The following TIAM2 variants were observed in gnomAD, a reference collection of about 807,000 sequenced individuals.
TIAM2 encodes the protein rho guanine nucleotide exchange factor TIAM2.
A neutral mutation model predicts 152.9 loss-of-function variants in TIAM2; 80 were observed. The observed-to-expected ratio is 0.52, with a 90% CI of 0.44 to 0.63. The LOEUF (loss-of-function observed/expected upper bound fraction) is 0.63. Ranked by LOEUF, TIAM2 falls within the 30% of genes least tolerant of loss-of-function variation. The probability of loss-of-function intolerance (pLI) is 0.00; values close to 1 mark genes in which losing one functional copy is unlikely to be tolerated. For synonymous variants in TIAM2, 804 were observed against 838.0 expected, an observed-to-expected ratio of 0.96 and a Z score of 0.70; for missense variants, 1,965 against 2,120.1, an observed-to-expected ratio of 0.93 and a Z score of 1.44.
At chr6:155,089,709 A>G (rs1778257000) in intron 1 of TIAM2, among the ~76,000 whole-genome samples, 1 of 152,152 alleles carries the variant, frequency 6.6e-6, no homozygotes, top group African/African-American at 2.4e-5. Flanking sequence ...TTCCAATTTA[A>G]TTTAGCCACT....
rs929230605 is a variant in TIAM2, at chr6:155,156,489, T to G, written c.2029-7926T>G. 5.9e-5 allele frequency among the ~76,000 whole-genome samples: 9 copies of G among 152,014 alleles called. No homozygotes were observed. The highest frequency in any genetic ancestry group is 1.9e-4 in the African/African-American group (8 of 41,380). ...GGCCAATGTGGTGAAACCCCGTCTC[T>G]ACTAAAAATACAAAAATAATTAGCC... On this transcript the variant is annotated intron_variant, in intron 7 of 26. Transcript: ENST00000682666. This position sits in a 1 kb window ranked among gnomAD's most constrained non-coding sequence, Gnocchi z 4.4.
intron 1 of TIAM2, among the ~76,000 whole-genome samples, chr6:155,078,817 G>GC (rs2114963688): frequency 6.6e-6 from 1 of 152,308 alleles, no homozygotes; most frequent in Admixed American, 6.5e-5. Flanking sequence ...AAGTTCTGAA[G>GC]TTTGTTTCAT....
Position 155,165,352 on chromosome 6 carries a change from A to G in TIAM2, c.2304A>G (p.Leu768=), listed in dbSNP as rs780914387. The change falls in exon 9 of 27, where the codon TTA becomes TTG. Residue 768 remains leucine (L), a synonymous_variant. Transcript: ENST00000682666. ...ACAAGAAGGGAATATTTTCTTCGTT[A>G]AAAGGGCTGGACACACTGGCCAGAA... is the stretch of plus-strand genomic sequence containing the variant. The part of the protein sequence containing the change: ...GRNKKGIFSS[L]KGLDTLARKG... The G allele has an allele frequency of 1.2e-6, 2 of 1,614,192 alleles. No homozygotes were observed. Among genetic ancestry groups the G allele is most frequent in the African/African-American group, 1.3e-5 (1 of 75,032 alleles).
intron 2 of TIAM2, among the ~76,000 whole-genome samples, chr6:155,120,492 A>G (rs1281077293): frequency 2.0e-5 from 3 of 152,204 alleles, no homozygotes; most frequent in African/African-American, 4.8e-5. Flanking sequence ...TTGGTATTCA[A>G]TTCATGCATT....
intron 14 of TIAM2, among the ~76,000 whole-genome samples, chr6:155,197,180 G>A (rs974663434): frequency 2.6e-5 from 4 of 152,210 alleles, no homozygotes; most frequent in African/African-American, 9.6e-5. Context: ...GGAAACTGCC[G>A]AATGAAAGGA....
At chr6:155,101,980 G>GTGTGAAT (rs1778559969) in intron 2 of TIAM2, among the ~76,000 whole-genome samples, 3 of 151,310 alleles carry the variant, frequency 2.0e-5, no homozygotes, top group East Asian at 2.0e-4. Context: ...GGGATTACAG[G>GTGTGAAT]CATGAGCAAC....
chr6:155,204,723 G>A (rs183799965), intron 14 of TIAM2, among the ~76,000 whole-genome samples: 260 of 152,212 alleles, frequency 1.7e-3, no homozygotes, highest in Admixed American at 4.2e-3. Context: ...TCTCATGCCC[G>A]ATACTTTTAG....
intron 10 of TIAM2, 105 bp downstream of exon 10, chr6:155,177,082 T>C (rs2115130713): frequency 1.8e-6 from 2 of 1,131,374 alleles, no homozygotes; most frequent in South Asian, 1.6e-5. Context: ...CCAGTTTCCA[T>C]GCCAGGGAAC....
At chr6:155,137,085 G>A in intron 4 of TIAM2, 92 bp from the exon 5 acceptor site, 1 of 1,327,650 alleles carries the variant, frequency 7.5e-7, no homozygotes, top group Non-Finnish European at 1.0e-6. Flanking sequence ...TACATTATCA[G>A]CAGCCACTGG....
intron 14 of TIAM2, among the ~76,000 whole-genome samples, chr6:155,200,778 C>T (rs576366678): frequency 1.1e-4 from 16 of 152,248 alleles, no homozygotes; most frequent in Admixed American, 9.2e-4. Context: ...TGGCGCACAC[C>T]TGTTGTCTCA....
At position 155,137,607 on chromosome 6, in the gene TIAM2, T is replaced by C; in HGVS notation, c.1625T>C (p.Leu542Pro). ...AAATGGAAACAGTACTGGGTAACGC[T>C]GAAAGGTGAGTGCAGTGTCACCTGC... ...RRKWKQYWVT[L>P]KGCTLLFYET... The change falls in exon 5 of 27, where the codon CTG (leucine) becomes CCG (proline). Residue 542 changes from leucine (L) to proline (P), a missense_variant. By Grantham distance (98) the Leu-to-Pro change is moderately conservative. Coordinates refer to ENST00000682666, the MANE Select transcript of TIAM2 (RefSeq NM_012454.4). 1 of 1,582,518 alleles carries C rather than the reference T, an allele frequency of 6.3e-7. No homozygotes were observed. Among genetic ancestry groups the C allele is most frequent in the Non-Finnish European group, 8.6e-7 (1 of 1,169,320 alleles).
intron 10 of TIAM2, among the ~76,000 whole-genome samples, chr6:155,178,756 C>G (rs112305682): frequency 0.026 from 3,969 of 152,012 alleles, 162 homozygotes; most frequent in African/African-American, 0.081. Context: ...TGTATTTTTA[C>G]TATAGTCGAT....
At chr6:155,221,139 AC>A (rs756699058) in intron 15 of TIAM2, among the ~76,000 whole-genome samples, 18,480 of 131,800 alleles carry the variant, frequency 0.14, 1,122 homozygotes, top group East Asian at 0.32. Flanking sequence ...AAAAAAAAAA[AC>A]AAAAAAAAAC....
intron 7 of TIAM2, among the ~76,000 whole-genome samples, chr6:155,163,614 A>G (rs1000909969): frequency 2.0e-5 from 3 of 152,186 alleles, no homozygotes; most frequent in African/African-American, 7.2e-5. Flanking sequence ...GTAAAATTCT[A>G]TTTGTCCTTA....
At chr6:155,238,761 C>A (rs1236763554) in intron 15 of TIAM2, among the ~76,000 whole-genome samples, 1 of 152,222 alleles carries the variant, frequency 6.6e-6, no homozygotes, top group Non-Finnish European at 1.5e-5. Flanking sequence ...TTTGTTGATT[C>A]CAGATTGCCT....
intron 1 of TIAM2, among the ~76,000 whole-genome samples, chr6:155,056,361 G>A (rs1777452735): frequency 1.3e-5 from 2 of 151,710 alleles, no homozygotes; most frequent in African/African-American, 2.4e-5. Context: ...TCATAGAGAC[G>A]GGGTTTCACC....
At chr6:155,184,527 C>T (rs901597022) in intron 14 of TIAM2, among the ~76,000 whole-genome samples, 4 of 152,196 alleles carry the variant, frequency 2.6e-5, no homozygotes, top group Admixed American at 6.5e-5. Context: ...CTGGAGAGCC[C>T]GGGTCAAGCT....
At chr6:155,039,274 AG>A (rs1776977327) in intron 1 of TIAM2, among the ~76,000 whole-genome samples, 1 of 152,002 alleles carries the variant, frequency 6.6e-6, no homozygotes, top group African/African-American at 2.4e-5. Context: ...TCTCTTAAAA[AG>A]AAAAAAAAAT....
At chr6:155,157,402 G>C (rs1780147007) in intron 7 of TIAM2, among the ~76,000 whole-genome samples, 2 of 151,600 alleles carry the variant, frequency 1.3e-5, no homozygotes, top group Admixed American at 1.3e-4. Context: ...CCCGTTTGTT[G>C]GATGAGTAAA....
Sources: allele counts gnomAD v4.1 joint callset (sites outside exome capture counted in the v4.1 genomes callset), GRCh38; gene constraint gnomAD v4.1.1; non-coding constraint Gnocchi (gnomAD v3.1); transcripts MANE v1.5; gene names NCBI Gene and HGNC (gene_info 2026-07-23, HGNC 2026-07-21).